The following NSUN6 variants were observed in gnomAD, a reference collection of about 807,000 sequenced individuals.
NSUN6 encodes the protein NOP2/Sun RNA methyltransferase 6.
In NSUN6, 64 loss-of-function variants were observed where a neutral mutation model predicts 58.0. The ratio of observed to expected loss-of-function variants is 1.10; its 90% confidence interval spans 0.90 to 1.36. NSUN6 has a LOEUF of 1.36. Among genes scored for constraint, NSUN6 ranks in the 40% most tolerant of loss-of-function variants. The pLI is 0.00. For missense variants in NSUN6, 701 were observed against 550.1 expected, an observed-to-expected ratio of 1.27 and a Z score of -2.74; for synonymous variants, 231 against 193.9, an observed-to-expected ratio of 1.19 and a Z score of -1.59.
At chr10:18,550,626 T>A (rs1215255983) in intron 9 of NSUN6, among the ~76,000 whole-genome samples, 1 of 152,158 alleles carries the variant, frequency 6.6e-6, no homozygotes, top group Non-Finnish European at 1.5e-5. Flanking sequence ...ACAGTTTTTA[T>A]GGTTCTCCTA....
intron 8 of NSUN6, among the ~76,000 whole-genome samples, chr10:18,572,533 CCATTCCATTTT>C (rs1231689997): frequency 2.1e-5 from 2 of 95,730 alleles, no homozygotes; most frequent in African/African-American, 8.4e-5. Context: ...ATTCCCTATT[CCATTCCATTTT>C]CCATTCCATT....
Position 18,611,237 on chromosome 10 carries a change from T to G in NSUN6, c.576-1311A>C, listed in dbSNP as rs117983318. 5.3e-3 allele frequency among the ~76,000 whole-genome samples: 812 copies of G among 152,106 alleles called. 10 individuals carry two copies. The highest frequency in any genetic ancestry group is 8.8e-3 in the Non-Finnish European group (598 of 67,998). ...TTTTTTAAAAATCATAACTTATACC[T>G]AGTTTAAGGGTACAATCCAAGGAGA... On this transcript the variant is annotated intron_variant, in intron 5 of 10. Transcript: ENST00000377304.
chr10:18,624,643 G>C (rs2058724471), intron 3 of NSUN6, among the ~76,000 whole-genome samples: 2 of 16,952 alleles, frequency 1.2e-4, no homozygotes, highest in South Asian at 2.0e-3. Flanking sequence ...GCGAGACTCT[G>C]TCTCAAAAAA....
chr10:18,612,763 T>C, intron 5 of NSUN6, among the ~76,000 whole-genome samples: 1 of 152,242 alleles, frequency 6.6e-6, no homozygotes, highest in East Asian at 1.9e-4. Context: ...GGTATGAGAT[T>C]ACATGTTTCT....
intron 3 of NSUN6, among the ~76,000 whole-genome samples, chr10:18,633,762 G>C (rs541400853): frequency 6.6e-6 from 1 of 152,104 alleles, no homozygotes; most frequent in Non-Finnish European, 1.5e-5. Flanking sequence ...TAACAAACCT[G>C]GATCAACTAT....
At chr10:18,637,370 T>A (rs2059252684) in intron 3 of NSUN6, among the ~76,000 whole-genome samples, 1 of 152,208 alleles carries the variant, frequency 6.6e-6, no homozygotes, top group South Asian at 2.1e-4. Context: ...ACTTATGTTC[T>A]GATGAGTAGC....
intron 8 of NSUN6, 105 bp from the exon 9 acceptor site, chr10:18,552,076 T>C (rs533786664): frequency 4.3e-6 from 3 of 697,812 alleles, no homozygotes; most frequent in East Asian, 2.7e-5. Flanking sequence ...AATAAAAAAA[T>C]GAAACAATTT....
Position 18,556,133 on chromosome 10 carries a change from TGAATGGAGAATGGAATG to T in NSUN6, c.923-4179_923-4163del, listed in dbSNP as rs1218349574. ...AGAATGCAATTGAATGGGATGGACA[TGAATGGAGAATGGAATG>T]GAATGGAGAATGGAATGGAATGGAA... On this transcript the variant is annotated intron_variant, in intron 8 of 10. Coordinates refer to ENST00000377304, the MANE Select transcript of NSUN6 (RefSeq NM_182543.5). Among the ~76,000 whole-genome samples, 676 of 124,654 alleles carry T rather than the reference TGAATGGAGAATGGAATG, an allele frequency of 5.4e-3. 4 individuals carry two copies. Among genetic ancestry groups the T allele is most frequent in the African/African-American group, 0.019 (633 of 32,544 alleles). 81.8% of individuals were successfully genotyped at this position (124,654 alleles called of 152,430 possible).
chr10:18,629,056 T>C (rs1238785112), intron 3 of NSUN6, among the ~76,000 whole-genome samples: 2 of 152,168 alleles, frequency 1.3e-5, no homozygotes, highest in African/African-American at 2.4e-5. Context: ...AGCAGGTCTC[T>C]TGGCAGAAAC....
intron 10 of NSUN6, among the ~76,000 whole-genome samples, chr10:18,547,827 T>G (rs1346151697): frequency 6.6e-6 from 1 of 151,978 alleles, no homozygotes; most frequent in African/African-American, 2.4e-5. Flanking sequence ...AGAAAAAAGG[T>G]GCCGAGTAAC....
rs10671283 is a variant in NSUN6, at chr10:18,624,647, C to CAAAAAAA, written c.312-8361_312-8355dup. On this transcript the variant is annotated intron_variant, in intron 3 of 10. Coordinates refer to ENST00000377304, the MANE Select transcript of NSUN6 (RefSeq NM_182543.5). The stretch of plus-strand genomic sequence containing the variant: ...TGGGAGACAGAGCGAGACTCTGTCT[C>CAAAAAAA]AAAAAAAAAAAAAAAAAGAACGAAT... 8.2e-3 allele frequency among the ~76,000 whole-genome samples: 625 copies of CAAAAAAA among 76,622 alleles called. 44 individuals are homozygous for CAAAAAAA. The highest frequency in any genetic ancestry group is 0.013 in the African/African-American group (249 of 18,826). 50.3% of individuals were successfully genotyped at this position (76,622 alleles called of 152,430 possible).
At chr10:18,549,843 G>T (rs1290424343) in intron 9 of NSUN6, among the ~76,000 whole-genome samples, 1 of 152,168 alleles carries the variant, frequency 6.6e-6, no homozygotes, top group Non-Finnish European at 1.5e-5. Context: ...GTTACTATGT[G>T]CCAGTTACTG....
chr10:18,555,684 A>G (rs1405996175), intron 8 of NSUN6, among the ~76,000 whole-genome samples: 8 of 122,532 alleles, frequency 6.5e-5, no homozygotes, highest in South Asian at 2.8e-4. Context: ...TGGTATGGAG[A>G]ATGGAATGGA....
intron 3 of NSUN6, among the ~76,000 whole-genome samples, chr10:18,628,083 G>T (rs1202935652): frequency 6.6e-6 from 1 of 152,008 alleles, no homozygotes; most frequent in African/African-American, 2.4e-5. Context: ...ACTGCCTCAA[G>T]TGGGTCCCTG....
intron 8 of NSUN6, among the ~76,000 whole-genome samples, chr10:18,558,931 T>G (rs1305746450): frequency 6.9e-6 from 1 of 145,558 alleles, no homozygotes. Flanking sequence ...GAGAATGGAC[T>G]GGACAATGGA....
rs149704837 is a variant in NSUN6 at position 18,558,808 on chromosome 10, G to A, written c.923-6837C>T. Among the ~76,000 whole-genome samples, 204 of 150,380 alleles carry A rather than the reference G, an allele frequency of 1.4e-3. 2 individuals carry two copies. The highest frequency in any genetic ancestry group is 4.9e-3 in the African/African-American group (196 of 40,242). ...TTGAGAATGGAATGGACAATGGAAT[G>A]GAAGGGAGAATGGAATGAAAAATGG... On this transcript the variant is annotated intron_variant, in intron 8 of 10. Coordinates refer to ENST00000377304, the MANE Select transcript of NSUN6 (RefSeq NM_182543.5).
chr10:18,603,740 C>T (rs113670317), intron 6 of NSUN6, among the ~76,000 whole-genome samples: 1,722 of 152,152 alleles, frequency 0.011, 36 homozygotes, highest in African/African-American at 0.04. Flanking sequence ...GCCTCCCAAA[C>T]TGCTGGGATT....
chr10:18,639,125 A>G (rs1358769756), intron 3 of NSUN6, among the ~76,000 whole-genome samples: 3 of 152,078 alleles, frequency 2.0e-5, no homozygotes, highest in Admixed American at 2.0e-4. Flanking sequence ...AACAGTAAAT[A>G]CAAATTAGCT....
intron 9 of NSUN6, among the ~76,000 whole-genome samples, chr10:18,550,728 CT>C (rs66875630): frequency 0.32 from 44,973 of 138,642 alleles, 7,137 homozygotes; most frequent in East Asian, 0.71. Context: ...CAAAAAATCT[CT>C]TTTTTTTTTT....
Sources: gnomAD v4.1 joint callset for allele counts (sites outside exome capture counted in the v4.1 genomes callset) on GRCh38, gnomAD v4.1.1 for gene constraint, MANE v1.5 for transcripts, NCBI Gene and HGNC (gene_info 2026-07-23, HGNC 2026-07-21) for gene names.